SYNPR: variants seen among roughly 807,000 people sequenced by gnomAD.
The protein encoded by SYNPR is synaptoporin.
SYNPR carries 23 observed loss-of-function variants against 32.9 expected under a neutral mutation model. The observed-to-expected ratio is 0.70, with a 90% CI of 0.50 to 0.99. The LOEUF is 0.99. Ranked by LOEUF, SYNPR falls within the 50% of genes least tolerant of loss-of-function variation. The pLI is 0.00. For synonymous variants in SYNPR, 146 were observed against 135.9 expected (o/e 1.07, Z -0.52); for missense variants, 318 against 349.3 (o/e 0.91, Z 0.71).
At chr3:63,558,446 C>T (rs1424202235) in intron 4 of SYNPR, among the ~76,000 whole-genome samples, 1 of 152,138 alleles carries the variant, frequency 6.6e-6, no homozygotes, top group East Asian at 1.9e-4. Flanking sequence ...GATCCTCCCA[C>T]CTCAGCCTCC....
chr3:63,609,055 T>C, intron 4 of SYNPR, 70 bp from the exon 5 acceptor site: 4 of 1,497,356 alleles, frequency 2.7e-6, no homozygotes, highest in East Asian at 2.5e-5. Context: ...AATAGTTATA[T>C]AAACAAATCA....
intron 4 of SYNPR, among the ~76,000 whole-genome samples, chr3:63,562,020 G>A (rs570534498): frequency 6.6e-6 from 1 of 152,166 alleles, no homozygotes; most frequent in Admixed American, 6.5e-5. Flanking sequence ...GCCAGCTACT[G>A]TATGTCACTA....
intron 2 of SYNPR, among the ~76,000 whole-genome samples, chr3:63,258,381 A>T (rs1385644261): frequency 6.6e-6 from 1 of 152,252 alleles, no homozygotes; most frequent in South Asian, 2.1e-4. Flanking sequence ...CTCTCAGACC[A>T]CAGTGCGATC....
intron 4 of SYNPR, among the ~76,000 whole-genome samples, chr3:63,561,148 T>C (rs893169888): frequency 1.3e-5 from 2 of 152,164 alleles, no homozygotes; most frequent in Non-Finnish European, 2.9e-5. Context: ...AATTAACAAA[T>C]TTTCATCTCA....
At chr3:63,371,458 G>C (rs574347804) in intron 2 of SYNPR, among the ~76,000 whole-genome samples, 171 of 152,360 alleles carry the variant, frequency 1.1e-3, no homozygotes, top group African/African-American at 3.6e-3. Flanking sequence ...TCACCTTGCA[G>C]GATAAGGCCC....
At chr3:63,426,142 A>G (rs562562656) in intron 2 of SYNPR, among the ~76,000 whole-genome samples, 8 of 152,312 alleles carry the variant, frequency 5.3e-5, no homozygotes, top group South Asian at 2.1e-4. Context: ...AAAGTTTGCT[A>G]TAAGTATGCC....
chr3:63,354,951 C>T (rs7648383), intron 2 of SYNPR, among the ~76,000 whole-genome samples: 124,773 of 152,100 alleles, frequency 0.82, 51,272 homozygotes, highest in East Asian at 0.89. Flanking sequence ...AATAAAGAAA[C>T]AGAAGTTCAA....
At chr3:63,542,193 T>C (rs1017612075) in intron 3 of SYNPR, among the ~76,000 whole-genome samples, 3 of 152,108 alleles carry the variant, frequency 2.0e-5, no homozygotes, top group African/African-American at 7.2e-5. Flanking sequence ...TTCTTCTGTA[T>C]TGGCCTCATT....
At chr3:63,448,010 T>G (rs1700309968) in intron 2 of SYNPR, among the ~76,000 whole-genome samples, 1 of 152,134 alleles carries the variant, frequency 6.6e-6, no homozygotes, top group Non-Finnish European at 1.5e-5. Flanking sequence ...ATTTATTTAT[T>G]TATTTATTTT....
intron 2 of SYNPR, among the ~76,000 whole-genome samples, chr3:63,405,354 T>A (rs961582581): frequency 6.6e-6 from 1 of 152,248 alleles, no homozygotes; most frequent in East Asian, 1.9e-4. Context: ...CAAAGAAATG[T>A]TCTACAAACT....
At chr3:63,262,080 CA>C (rs2086442840) in intron 2 of SYNPR, among the ~76,000 whole-genome samples, 1 of 147,428 alleles carries the variant, frequency 6.8e-6, no homozygotes, top group Non-Finnish European at 1.5e-5. Context: ...TTACAGTTTT[CA>C]TTTTTAGAGA....
At chr3:63,394,167 A>G (rs1383312418) in intron 2 of SYNPR, among the ~76,000 whole-genome samples, 1 of 152,238 alleles carries the variant, frequency 6.6e-6, no homozygotes, top group Non-Finnish European at 1.5e-5. Context: ...GCTTTGGAAT[A>G]GGACAGACCT....
At chr3:63,365,968 T>G (rs771757695) in intron 2 of SYNPR, among the ~76,000 whole-genome samples, 3 of 152,218 alleles carry the variant, frequency 2.0e-5, no homozygotes, top group Non-Finnish European at 2.9e-5. Flanking sequence ...TGATGTTCTA[T>G]TCCCTTCTTT....
At chr3:63,220,494 C>T in the SYNPR span, among the ~76,000 whole-genome samples, 267 of 152,170 alleles carry the variant, frequency 1.8e-3, 1 homozygote, top group African/African-American at 6.1e-3. Context: ...GCCAGCTGCT[C>T]CCTGTTAGGC....
chr3:63,388,499 T>G (rs2088085166), intron 2 of SYNPR, among the ~76,000 whole-genome samples: 1 of 148,252 alleles, frequency 6.7e-6, no homozygotes, highest in African/African-American at 2.5e-5. Context: ...GCGATTCTCC[T>G]GCCTAAGCCT....
chr3:63,421,499 T>C (rs1699797702), intron 2 of SYNPR, among the ~76,000 whole-genome samples: 1 of 151,432 alleles, frequency 6.6e-6, no homozygotes, highest in Non-Finnish European at 1.5e-5. Flanking sequence ...AATATATATA[T>C]ATAATATTAT....
Position 63,345,891 on chromosome 3 carries a change from T to G in SYNPR, c.84+67149T>G, listed in dbSNP as rs561116512. 2.0e-5 allele frequency among the ~76,000 whole-genome samples: 3 copies of G among 152,256 alleles called. No homozygotes were observed. In the East Asian group the frequency reaches 5.8e-4, roughly 29 times the overall value. On this transcript the variant is annotated intron_variant, in intron 2 of 5. Transcript: ENST00000478300. ...GTGCAGTGGCGCAATCTCAGCTCACTGCAACCTCCATCTCCCAAGTTCAAG... is the reference window on the plus strand; with the variant it reads ...GTGCAGTGGCGCAATCTCAGCTCACGGCAACCTCCATCTCCCAAGTTCAAG...
intron 2 of SYNPR, among the ~76,000 whole-genome samples, chr3:63,405,682 T>A (rs927704887): frequency 1.3e-5 from 2 of 152,162 alleles, no homozygotes; most frequent in Non-Finnish European, 2.9e-5. Flanking sequence ...GACAGTGATG[T>A]GGAGGAAGCA....
At chr3:63,497,221 G>A (rs1320198358) in intron 3 of SYNPR, among the ~76,000 whole-genome samples, 1 of 152,076 alleles carries the variant, frequency 6.6e-6, no homozygotes, top group East Asian at 1.9e-4. Flanking sequence ...CGAACATTTT[G>A]AAAATTTGTA....
Sources: gnomAD v4.1 joint callset for allele counts (sites outside exome capture counted in the v4.1 genomes callset) on GRCh38, gnomAD v4.1.1 for gene constraint, MANE v1.5 for transcripts, NCBI Gene and HGNC (gene_info 2026-07-23, HGNC 2026-07-21) for gene names.